STAG3: variants seen among roughly 807,000 people sequenced by gnomAD.
STAG3 encodes STAG3 cohesin complex component, also known as cohesin subunit SA-3.
Under a neutral mutation model 160.7 loss-of-function variants are expected in STAG3, and 101 were observed. The ratio of observed to expected loss-of-function variants is 0.63; its 90% CI spans 0.54 to 0.74. The LOEUF (loss-of-function observed/expected upper bound fraction) is 0.74. STAG3 is among the 30% of genes least tolerant of loss of function. The probability of loss-of-function intolerance (pLI) is 0.00; values close to 1 mark genes in which losing one functional copy is unlikely to be tolerated. For missense variants in STAG3, 1,188 were observed against 1,517.4 expected (o/e 0.78, Z 3.61); for synonymous variants, 519 against 585.0 (o/e 0.89, Z 1.63).
chr7:100,185,463 G>T (rs193057363), intron 4 of STAG3, among the ~76,000 whole-genome samples: 1 of 152,016 alleles, frequency 6.6e-6, no homozygotes, highest in East Asian at 1.9e-4. Flanking sequence ...TTAGCCAGGC[G>T]TGGTGGCGCA....
rs1459684897 is a variant in STAG3, at chr7:100,207,667, C to T, written c.3238+2283C>T. Among the ~76,000 whole-genome samples the T allele has an allele frequency of 3.3e-5, 5 of 152,218 alleles. No individual in the cohort carries two copies. The highest frequency in any genetic ancestry group is 3.9e-4 in the East Asian group (2 of 5,180). On this transcript the variant is annotated intron_variant, in intron 29 of 33. Coordinates refer to ENST00000615138, the MANE Select transcript of STAG3 (RefSeq NM_001282717.2). This position sits in a 1 kb window ranked among gnomAD's most constrained non-coding sequence, Gnocchi z 4.0. ...TCTCCCATTTTTTGGGTTGTCTTTT[C>T]GTGTTATTGGTGGTGTCCTTTGAAA...
chr7:100,199,235 T>C, intron 14 of STAG3, 27 bp from the exon 15 acceptor site: 1 of 1,480,280 alleles, frequency 6.8e-7, no homozygotes, highest in South Asian at 1.1e-5. Flanking sequence ...ATGCTATCAT[T>C]AACTCCCCAT....
chr7:100,184,333 G>T (rs58208098), intron 4 of STAG3, among the ~76,000 whole-genome samples: 1 of 151,248 alleles, frequency 6.6e-6, no homozygotes, highest in East Asian at 1.9e-4. Context: ...TGGTACATTC[G>T]TTTTATCTTT....
At position 100,188,904 on chromosome 7, in the gene STAG3, G is replaced by T. The variant is rs545809700; in HGVS notation, c.603G>T (p.Gln201His). Residue 201 changes from glutamine to histidine, a missense_variant, in exon 7 of 34, where the codon CAG (glutamine) becomes CAT (histidine). This residue lies in a region of STAG3 where 296 missense variants were observed against 404.0 expected (regional missense o/e 0.73). Transcript: ENST00000615138. The stretch of plus-strand genomic sequence containing the variant: ...AATTTGTGAGGACATTGGTCTGTCA[G>T]TGCCAGTACAGCCTCCTCTATGATG... Reference protein sequence around the residue: ...FCEFVRTLVCQCQYSLLYDGF... With the variant: ...FCEFVRTLVCHCQYSLLYDGF... 6 of 1,614,196 alleles carry T rather than the reference G, an allele frequency of 3.7e-6. No individual in the cohort carries two copies. The African/African-American group carries it at 8.0e-5, about 22-fold the overall frequency.
chr7:100,216,134 C>T (rs977237487), downstream of STAG3, among the ~76,000 whole-genome samples: 14 of 152,138 alleles, frequency 9.2e-5, no homozygotes, highest in African/African-American at 3.4e-4. Flanking sequence ...GGAGCAGAGA[C>T]AGCCCATCTT....
rs771420680 is a variant in STAG3 at position 100,197,774 on chromosome 7, C to T, written c.1066-4C>T. On this transcript the variant is annotated splice_region_variant and splice_polypyrimidine_tract_variant and intron_variant, in intron 10 of 33. Transcript: ENST00000615138. The stretch of plus-strand genomic sequence containing the variant: ...CCATTCTCCTGGTTTTCCCTCCTCA[C>T]CAGCACCGAGAAGTCCGCCTGAAGT... 6.2e-7 allele frequency: 1 copy of T among 1,612,968 alleles called. No homozygotes were observed. Among genetic ancestry groups the T allele is most frequent in the African/African-American group, 1.3e-5 (1 of 74,962 alleles).
chr7:100,213,709 T>C, intron 32 of STAG3, 26 bp from the exon 33 acceptor site: 2 of 1,614,162 alleles, frequency 1.2e-6, no homozygotes, highest in African/African-American at 1.3e-5. Flanking sequence ...AAAGGCCTTT[T>C]TGACTTTTAA....
chr7:100,187,332 G>GT (rs1465769803), intron 5 of STAG3, among the ~76,000 whole-genome samples: 3 of 149,172 alleles, frequency 2.0e-5, no homozygotes, highest in Non-Finnish European at 3.0e-5. Flanking sequence ...CTGTTTTTTG[G>GT]TTTGTTTTTT....
rs1378062260 is a variant in STAG3, at chr7:100,211,846, G to A, written c.3570G>A (p.Glu1190=). ...DEEEELEIQD[E]SNEERQDTDM... is the part of the protein sequence containing the mutation. ...AAGAAGAGTTAGAAATCCAGGATGAGTCAAATGAAGAACGGCAGGATACAG... is the reference window on the plus strand; with the variant it reads ...AAGAAGAGTTAGAAATCCAGGATGAATCAAATGAAGAACGGCAGGATACAG... Residue 1190 remains glutamate (E), a synonymous_variant, in exon 32 of 34, where the codon GAG becomes GAA. Transcript: ENST00000615138. The A allele has an allele frequency of 6.2e-7, 1 of 1,614,116 alleles. No homozygotes were observed. The highest frequency in any genetic ancestry group is 1.1e-5 in the South Asian group (1 of 91,066).
chr7:100,211,870 A>G lies in STAG3; in HGVS notation c.3594A>G (p.Thr1198=). 1 of 1,614,066 alleles carries G rather than the reference A, an allele frequency of 6.2e-7. No homozygotes were observed. Among genetic ancestry groups the G allele is most frequent in the South Asian group, 1.1e-5 (1 of 91,074 alleles). Residue 1198 remains threonine (T), a synonymous_variant, in exon 32 of 34, where the codon ACA becomes ACG. Coordinates refer to ENST00000615138, the MANE Select transcript of STAG3 (RefSeq NM_001282717.2). ...AGTCAAATGAAGAACGGCAGGATAC[A>G]GACATGGTGAGTAGACCACCCTGCC... ...QDESNEERQD[T]DMQASSYSST... is the part of the protein sequence containing the mutation.
downstream of STAG3, among the ~76,000 whole-genome samples, chr7:100,217,277 G>A (rs1439100030): frequency 6.6e-6 from 1 of 152,200 alleles, no homozygotes; most frequent in Non-Finnish European, 1.5e-5. Flanking sequence ...ATGCCAGCAA[G>A]CCCCCTGCTG....
chr7:100,213,678 T>G (rs1802490918), intron 32 of STAG3, 57 bp from the exon 33 acceptor site: 2 of 1,612,864 alleles, frequency 1.2e-6, no homozygotes, highest in Admixed American at 3.3e-5. Flanking sequence ...TTTTTTTATT[T>G]GCGAAGTGAC....
chr7:100,213,557 C>T (rs770800757), intron 32 of STAG3, 178 bp from the exon 33 acceptor site: 5 of 985,282 alleles, frequency 5.1e-6, no homozygotes, highest in South Asian at 4.7e-5. Flanking sequence ...GGCCAAGAAG[C>T]GCTCTGCAGT....
At chr7:100,217,220 T>C (rs987623607), downstream of STAG3, among the ~76,000 whole-genome samples, 5 of 152,194 alleles carry the variant, frequency 3.3e-5, no homozygotes, top group African/African-American at 1.2e-4. Flanking sequence ...CTGTGGATAC[T>C]TTTTTGTGCA....
chr7:100,189,955 A>T (rs1468542946), intron 8 of STAG3, among the ~76,000 whole-genome samples: 1 of 152,104 alleles, frequency 6.6e-6, no homozygotes, highest in African/African-American at 2.4e-5. Context: ...AGGAGTACTA[A>T]AAGCCAACCA....
chr7:100,205,462 T>G, intron 29 of STAG3, 78 bp downstream of exon 29: 1 of 1,339,490 alleles, frequency 7.5e-7, no homozygotes, highest in Non-Finnish European at 1.0e-6. Flanking sequence ...GTCAAGTATT[T>G]CATTGAGCAT....
chr7:100,211,089 C>A lies in STAG3; in HGVS notation c.3317C>A (p.Pro1106His), dbSNP rs1368980898. The A allele has an allele frequency of 1.2e-6, 2 of 1,613,642 alleles. No homozygotes were observed. The highest frequency in any genetic ancestry group is 1.7e-6 in the Non-Finnish European group (2 of 1,179,776). The change falls in exon 30 of 34, where the codon CCC becomes CAC. Residue 1106 changes from proline (P) to histidine (H), a missense_variant. By Grantham distance (77) the Pro-to-His change is moderately conservative (BLOSUM62 -2). Coordinates refer to ENST00000615138, the MANE Select transcript of STAG3 (RefSeq NM_001282717.2). ...CAGCTGAACAGCATCCCGCCCACGCCCACCCTCACCTCCACAGCTGTGAAG... is the reference window on the plus strand; with the variant it reads ...CAGCTGAACAGCATCCCGCCCACGCACACCCTCACCTCCACAGCTGTGAAG... ...SLQLNSIPPTPTLTSTAVKSR... is the reference protein window; with the variant it reads ...SLQLNSIPPTHTLTSTAVKSR...
chr7:100,214,556 G>A (rs556603666), downstream of STAG3, among the ~76,000 whole-genome samples: 3 of 152,114 alleles, frequency 2.0e-5, no homozygotes, highest in South Asian at 2.1e-4. Context: ...GTAGAGATGG[G>A]GAGAGTTTGA....
Position 100,198,914 on chromosome 7 carries a change from G to A in STAG3, c.1424G>A (p.Arg475Lys), listed in dbSNP as rs561961816. The A allele has an allele frequency of 2.7e-5, 44 of 1,612,260 alleles. No individual in the cohort carries two copies. Among genetic ancestry groups the A allele is most frequent in the Admixed American group, 3.3e-5 (2 of 60,030 alleles). ...CAACGCCAGAGCCCAGGCGCCCAGA[G>A]GACTTTCTTCCAGCTTCTGCTGTCC... Reference protein sequence around the residue: ...REQRQSPGAQRTFFQLLLSFF... With the variant: ...REQRQSPGAQKTFFQLLLSFF... The change falls in exon 14 of 34, where the codon AGG (arginine) becomes AAG (lysine). Residue 475 changes from arginine (R) to lysine (K), a missense_variant. By Grantham distance (26) the Arg-to-Lys change is conservative. This residue lies in a region of STAG3 where 240 missense variants were observed against 358.1 expected (regional missense o/e 0.67). Coordinates refer to ENST00000615138, the MANE Select transcript of STAG3 (RefSeq NM_001282717.2).
Sources: allele counts gnomAD v4.1 joint callset (sites outside exome capture counted in the v4.1 genomes callset), GRCh38; gene constraint gnomAD v4.1.1; regional missense constraint gnomAD v4.1.1; non-coding constraint Gnocchi (gnomAD v3.1); transcripts MANE v1.5; gene names NCBI Gene and HGNC (gene_info 2026-07-23, HGNC 2026-07-21).